Variants in NFASC observed in about 807,000 individuals in gnomAD.
The protein encoded by NFASC is neurofascin homolog.
In NFASC, 43 loss-of-function variants were observed where a neutral mutation model predicts 147.5. The observed-to-expected ratio is 0.29, with a 90% CI of 0.23 to 0.38. NFASC has a LOEUF of 0.38. Ranked by LOEUF, NFASC falls within the 10% of genes least tolerant of loss-of-function variation. NFASC has a pLI of 1.00. For missense variants in NFASC, 1,320 were observed against 1,689.0 expected (o/e 0.78, Z 3.83); for synonymous variants, 622 against 665.5 (o/e 0.93, Z 1.01).
At chr1:204,993,892 C>A in intron 24 of NFASC, 1 of 441,128 alleles carries the variant, frequency 2.3e-6, no homozygotes, top group Non-Finnish European at 4.6e-6. Flanking sequence ...TAGACCTGAG[C>A]AGTGGAAGGT....
chr1:204,922,919 G>A (rs1446446707), intron 2 of NFASC, among the ~76,000 whole-genome samples: 2 of 152,164 alleles, frequency 1.3e-5, no homozygotes, highest in African/African-American at 2.4e-5. Flanking sequence ...AGCACTCCCC[G>A]TGCACCAGGC....
Position 205,016,279 on chromosome 1 carries a change from C to G in NFASC, c.3492-29C>G. 1 of 1,515,000 alleles carries G rather than the reference C, an allele frequency of 6.6e-7. No individual in the cohort carries two copies. The allele number at this position is 1,515,000 out of a possible 1,614,324, so 93.8% of individuals were successfully genotyped here. A position where few individuals can be genotyped will look rare whatever the true frequency, so the allele number is the denominator to read the frequency against. Reference sequence around the variant, plus strand: ...AGGCCAGCTGCCCCATCTCACCCCACCTGAGATTCTCTGTCTCTCTTTGGC... The same window carrying G: ...AGGCCAGCTGCCCCATCTCACCCCAGCTGAGATTCTCTGTCTCTCTTTGGC... On this transcript the variant is annotated intron_variant, in intron 29 of 29. Coordinates refer to ENST00000339876, the MANE Select transcript of NFASC (RefSeq NM_001005388.3). The surrounding 1 kb of genome is among the most constrained non-coding windows in gnomAD (Gnocchi z 5.1).
At chr1:204,966,719 C>G (rs1390415965) in intron 8 of NFASC, among the ~76,000 whole-genome samples, 1 of 152,164 alleles carries the variant, frequency 6.6e-6, no homozygotes, top group African/African-American at 2.4e-5. Flanking sequence ...TAAACTGCTG[C>G]CTTATTTTTT....
At chr1:204,923,259 G>A (rs564797167) in intron 2 of NFASC, among the ~76,000 whole-genome samples, 6 of 152,236 alleles carry the variant, frequency 3.9e-5, no homozygotes, top group African/African-American at 9.6e-5. Flanking sequence ...GTTTATCTGC[G>A]TCTTCTCCCT....
Position 204,975,230 on chromosome 1 carries a change from A to C in NFASC, c.1559-41A>C. The C allele has an allele frequency of 6.4e-7, 1 of 1,569,582 alleles. No homozygotes were observed. Among genetic ancestry groups the C allele is most frequent in the Non-Finnish European group, 8.7e-7 (1 of 1,155,948 alleles). ...TTGTGGCCGCATGGGGATGCTGGGC[A>C]GAGAACAGGCCAGTGGCGAGTGCTC... On this transcript the variant is annotated intron_variant, in intron 14 of 29. Coordinates refer to ENST00000339876, the MANE Select transcript of NFASC (RefSeq NM_001005388.3). The surrounding 1 kb of genome is among the most constrained non-coding windows in gnomAD (Gnocchi z 4.0).
intron 1 of NFASC, among the ~76,000 whole-genome samples, chr1:204,901,484 G>T (rs1394455166): frequency 6.6e-6 from 1 of 152,166 alleles, no homozygotes; most frequent in Non-Finnish European, 1.5e-5. Flanking sequence ...AATGATGAGA[G>T]CTTAGAGTTT....
intron 24 of NFASC, among the ~76,000 whole-genome samples, chr1:204,991,953 CTT>C (rs957852960): frequency 3.9e-5 from 6 of 152,184 alleles, no homozygotes; most frequent in Non-Finnish European, 8.8e-5. Context: ...TTTTCCAAGT[CTT>C]TATCGTTAAG....
intron 1 of NFASC, among the ~76,000 whole-genome samples, chr1:204,906,925 C>T (rs993821740): frequency 1.1e-4 from 16 of 152,232 alleles, no homozygotes; most frequent in Admixed American, 5.9e-4. Flanking sequence ...CCTTGTGATC[C>T]GCCCGCCTTG....
At chr1:204,929,744 C>T (rs904920087) in intron 2 of NFASC, among the ~76,000 whole-genome samples, 15 of 152,334 alleles carry the variant, frequency 9.8e-5, no homozygotes, top group African/African-American at 3.1e-4. Context: ...TGGGGAGTCC[C>T]TCCCTGCCTC....
At chr1:204,943,449 T>C (rs1305683716) in intron 2 of NFASC, among the ~76,000 whole-genome samples, 4 of 152,230 alleles carry the variant, frequency 2.6e-5, no homozygotes, top group African/African-American at 9.7e-5. Flanking sequence ...CTGTTTACTC[T>C]ACCAACCACC....
chr1:204,925,151 G>A (rs2091263231), intron 2 of NFASC, among the ~76,000 whole-genome samples: 1 of 152,240 alleles, frequency 6.6e-6, no homozygotes, highest in East Asian at 1.9e-4. Flanking sequence ...TGGGATTACA[G>A]GCGAAGAAAG....
chr1:204,903,668 G>C (rs2085153382), intron 1 of NFASC, among the ~76,000 whole-genome samples: 3 of 152,226 alleles, frequency 2.0e-5, no homozygotes, highest in Admixed American at 2.0e-4. Context: ...CTTGGAGAGA[G>C]ATGTTTCATA....
intron 28 of NFASC, 44 bp from the exon 29 acceptor site, chr1:205,012,753 A>G: frequency 7.1e-7 from 1 of 1,416,104 alleles, no homozygotes; most frequent in Non-Finnish European, 1.0e-6. Context: ...AGGGGCATGT[A>G]CTTAATCGTC....
At chr1:204,856,418 T>TGTGTGTGTGA (rs1320968276) in intron 1 of NFASC, among the ~76,000 whole-genome samples, 46 of 151,178 alleles carry the variant, frequency 3.0e-4, no homozygotes, top group East Asian at 2.9e-3. Flanking sequence ...TGTGTGTGTG[T>TGTGTGTGTGA]GATTGTGTGA....
intron 3 of NFASC, chr1:204,948,638 C>G (rs1558210776): frequency 3.9e-6 from 2 of 519,064 alleles, no homozygotes; most frequent in Admixed American, 3.9e-5. Context: ...AGCTGGTTCT[C>G]CTTCTAGCTC....
rs1256118814 is a variant in NFASC, at chr1:205,016,594, G to A, written c.*55G>A. On this transcript the variant is annotated 3_prime_UTR_variant, in exon 30 of 30. Coordinates refer to ENST00000339876, the MANE Select transcript of NFASC (RefSeq NM_001005388.3). The surrounding 1 kb of genome is among the most constrained non-coding windows in gnomAD (Gnocchi z 5.1). ...TGCAAGTGGGAGGAGGGGAGAAGGGGAGACAAAACCACTGCAGACCTACCA... is the reference window on the plus strand; with the variant it reads ...TGCAAGTGGGAGGAGGGGAGAAGGGAAGACAAAACCACTGCAGACCTACCA... 1.5e-6 allele frequency: 2 copies of A among 1,313,440 alleles called. No individual in the cohort carries two copies. Among genetic ancestry groups the A allele is most frequent in the Admixed American group, 1.7e-5 (1 of 58,590 alleles). 81.4% of individuals were successfully genotyped at this position (1,313,440 alleles called of 1,614,324 possible). A position where few individuals can be genotyped will look rare whatever the true frequency, so the allele number is the denominator to read the frequency against.
At chr1:204,938,956 G>C (rs2149710310) in intron 2 of NFASC, among the ~76,000 whole-genome samples, 2 of 151,826 alleles carry the variant, frequency 1.3e-5, no homozygotes, top group African/African-American at 4.8e-5. Context: ...ATGCCATTTG[G>C]AGTTTTTATG....
chr1:204,848,895 A>G (rs1421298516), intron 1 of NFASC, among the ~76,000 whole-genome samples: 1 of 152,220 alleles, frequency 6.6e-6, no homozygotes, highest in Non-Finnish European at 1.5e-5. Flanking sequence ...AAGTTAAATA[A>G]TCTGCGATAA....
At position 204,968,501 on chromosome 1, in the gene NFASC, G is replaced by A. The variant is rs2095077949; in HGVS notation, c.818+141G>A. ...GAAGCAAACAGCCTCTAGTGAGCAG[G>A]GTGTTGCAAACCATAGTCATCTCCA... On this transcript the variant is annotated intron_variant, in intron 9 of 29. Transcript: ENST00000339876. This position sits in a 1 kb window ranked among gnomAD's most constrained non-coding sequence, Gnocchi z 5.4. 1.5e-6 allele frequency: 1 copy of A among 661,492 alleles called. No individual in the cohort carries two copies. The highest frequency in any genetic ancestry group is 2.6e-6 in the Non-Finnish European group (1 of 380,138). The allele number at this position is 661,492 out of a possible 1,614,324, so 41.0% of individuals were successfully genotyped here.
Sources: gnomAD v4.1 joint callset for allele counts (sites outside exome capture counted in the v4.1 genomes callset) on GRCh38, gnomAD v4.1.1 for gene constraint, Gnocchi (gnomAD v3.1) non-coding constraint, MANE v1.5 for transcripts, NCBI Gene and HGNC (gene_info 2026-07-23, HGNC 2026-07-21) for gene names.